The following STPG2 variants were observed in gnomAD, a reference collection of about 807,000 sequenced individuals.
The protein encoded by STPG2 is sperm-tail PG-rich repeat-containing protein 2.
In STPG2, 56 loss-of-function variants were observed where a neutral mutation model predicts 54.2. The observed-to-expected ratio is 1.03, with a 90% confidence interval of 0.83 to 1.29. The LOEUF is 1.29. Ranked by LOEUF, STPG2 falls within the 50% of genes most tolerant of loss-of-function variation. The pLI is 0.00. For synonymous variants in STPG2, 200 were observed against 181.8 expected, an observed-to-expected ratio of 1.10 and a Z score of -0.81; for missense variants, 596 against 544.9, an observed-to-expected ratio of 1.09 and a Z score of -0.93.
intron 8 of STPG2, among the ~76,000 whole-genome samples, chr4:97,921,592 C>T (rs1732109147): frequency 6.6e-6 from 1 of 151,348 alleles, no homozygotes; most frequent in Non-Finnish European, 1.5e-5. Context: ...TTTGAAATTA[C>T]CCAGAGGAAC....
Position 97,467,843 on chromosome 4 carries a change from C to CTTT in STPG2, c.462+244853_462+244855dup, listed in dbSNP as rs575151800. 4.1e-3 allele frequency among the ~76,000 whole-genome samples: 554 copies of CTTT among 134,010 alleles called. 3 individuals are homozygous for CTTT. Among genetic ancestry groups the CTTT allele is most frequent in the South Asian group, 0.017 (73 of 4,184 alleles). The allele number at this position is 134,010 out of a possible 152,430, so 87.9% of individuals were successfully genotyped here. Reference sequence around the variant, plus strand: ...CTGTTAGTTATTAAAGCTGCTTTTGCTTTTTTTTTTTTTTTAAGATGGGAT... The same window carrying CTTT: ...CTGTTAGTTATTAAAGCTGCTTTTGCTTTTTTTTTTTTTTTTTTAAGATGGGAT... On this transcript the variant is annotated intron_variant, in intron 4 of 4. Transcript: ENST00000522676.
At chr4:97,877,344 G>A (rs1730214457) in intron 8 of STPG2, among the ~76,000 whole-genome samples, 1 of 152,044 alleles carries the variant, frequency 6.6e-6, no homozygotes, top group African/African-American at 2.4e-5. Context: ...ATGGGCAAAG[G>A]ACATGAACAC....
At chr4:97,930,750 T>A (rs1415543061) in intron 8 of STPG2, among the ~76,000 whole-genome samples, 1 of 150,046 alleles carries the variant, frequency 6.7e-6, no homozygotes, top group Non-Finnish European at 1.5e-5. Flanking sequence ...TAGCATTGAA[T>A]CCACAAATTG....
intron 8 of STPG2, among the ~76,000 whole-genome samples, chr4:97,902,065 C>G (rs1446928014): frequency 6.6e-6 from 1 of 152,012 alleles, no homozygotes; most frequent in African/African-American, 2.4e-5. Flanking sequence ...AAAGGATATT[C>G]TCTTCAATAA....
At chr4:98,124,698 T>C (rs1157830476) in intron 3 of STPG2, among the ~76,000 whole-genome samples, 1 of 152,206 alleles carries the variant, frequency 6.6e-6, no homozygotes, top group African/African-American at 2.4e-5. Flanking sequence ...GTTCTCTGGA[T>C]TTCCTGAATT....
intron 6 of STPG2, among the ~76,000 whole-genome samples, chr4:97,979,652 G>A (rs775253986): frequency 7.9e-5 from 12 of 151,978 alleles, no homozygotes; most frequent in Admixed American, 4.6e-4. Context: ...TTTGAGAGCC[G>A]AGGTGGAAAG....
At chr4:98,022,238 G>T (rs887660813) in intron 5 of STPG2, among the ~76,000 whole-genome samples, 1 of 152,016 alleles carries the variant, frequency 6.6e-6, no homozygotes, top group Non-Finnish European at 1.5e-5. Flanking sequence ...CTCAGCATTT[G>T]CTTGTCTGTA....
At chr4:97,730,821 C>T (rs1351659888) in intron 9 of STPG2, among the ~76,000 whole-genome samples, 2 of 152,178 alleles carry the variant, frequency 1.3e-5, no homozygotes, top group Non-Finnish European at 2.9e-5. Flanking sequence ...CTTCCAACTT[C>T]ATTATGAAAT....
At chr4:97,781,303 C>A (rs142118517) in intron 9 of STPG2, among the ~76,000 whole-genome samples, 8,399 of 152,220 alleles carry the variant, frequency 0.055, 350 homozygotes, top group South Asian at 0.17. Context: ...CTATAAACAC[C>A]TCTACGCAAA....
At chr4:97,650,153 G>T (rs1382521182) in intron 10 of STPG2, among the ~76,000 whole-genome samples, 1 of 152,144 alleles carries the variant, frequency 6.6e-6, no homozygotes, top group Non-Finnish European at 1.5e-5. Context: ...AGTAATGCAA[G>T]CAGTGGGGAG....
chr4:98,049,973 AG>A (rs1344797581), intron 5 of STPG2, among the ~76,000 whole-genome samples: 1 of 152,230 alleles, frequency 6.6e-6, no homozygotes, highest in Non-Finnish European at 1.5e-5. Context: ...GGAAATACTC[AG>A]AAAAGCCAGA....
intron 8 of STPG2, among the ~76,000 whole-genome samples, chr4:97,902,420 T>C (rs1731214118): frequency 6.6e-6 from 1 of 152,114 alleles, no homozygotes; most frequent in Non-Finnish European, 1.5e-5. Flanking sequence ...AGGGTTAATC[T>C]TCAAAACATA....
At position 97,747,458 on chromosome 4, in the gene STPG2, T is replaced by C. The variant is rs139893887; in HGVS notation, c.1205-34644A>G. On this transcript the variant is annotated intron_variant, in intron 9 of 10. Coordinates refer to ENST00000295268, the MANE Select transcript of STPG2 (RefSeq NM_174952.3). The stretch of plus-strand genomic sequence containing the variant: ...GGTCAGCACAAGACATACAATTTAA[T>C]TTCTGTCCCAATTTTTTTGGTTGTG... 4.4e-3 allele frequency among the ~76,000 whole-genome samples: 661 copies of C among 151,526 alleles called. 3 individuals carry two copies. The highest frequency in any genetic ancestry group is 0.024 in the South Asian group (116 of 4,826).
intron 9 of STPG2, among the ~76,000 whole-genome samples, chr4:97,821,277 A>C (rs1728082459): frequency 6.6e-6 from 1 of 152,158 alleles, no homozygotes; most frequent in Admixed American, 6.5e-5. Context: ...GCTCCAAAAT[A>C]ATCCCTTATT....
At chr4:97,687,449 C>T (rs1233911155) in intron 10 of STPG2, among the ~76,000 whole-genome samples, 1 of 152,054 alleles carries the variant, frequency 6.6e-6, no homozygotes, top group Non-Finnish European at 1.5e-5. Flanking sequence ...AAGTGAGTCT[C>T]CTGTCTCAGC....
chr4:97,919,879 C>G (rs1469657997), intron 8 of STPG2, among the ~76,000 whole-genome samples: 2 of 152,158 alleles, frequency 1.3e-5, no homozygotes, highest in Non-Finnish European at 2.9e-5. Context: ...CATTCCCTGT[C>G]TATAACTTTT....
At chr4:97,785,983 A>C (rs1218427007) in intron 9 of STPG2, among the ~76,000 whole-genome samples, 1 of 152,232 alleles carries the variant, frequency 6.6e-6, no homozygotes, top group African/African-American at 2.4e-5. Context: ...AGAATCAAAT[A>C]ACGTTTAAGA....
At chr4:97,626,973 T>G (rs1734152704) in intron 10 of STPG2, among the ~76,000 whole-genome samples, 1 of 152,134 alleles carries the variant, frequency 6.6e-6, no homozygotes, top group African/African-American at 2.4e-5. Flanking sequence ...CATCTTCAAA[T>G]AATACCAGTT....
At chr4:97,523,595 T>C (rs116716335) in intron 4 of STPG2, among the ~76,000 whole-genome samples, 2,869 of 152,018 alleles carry the variant, frequency 0.019, 82 homozygotes, top group African/African-American at 0.065. Context: ...AAAAAATGTT[T>C]ATAAGGTAAC....
Sources: gnomAD v4.1 joint callset for allele counts (sites outside exome capture counted in the v4.1 genomes callset) on GRCh38, gnomAD v4.1.1 for gene constraint, MANE v1.5 for transcripts, NCBI Gene and HGNC (gene_info 2026-07-23, HGNC 2026-07-21) for gene names.